Variants in VPS8 observed in about 807,000 individuals in gnomAD.
The protein encoded by VPS8 is VPS8 subunit of CORVET complex.
A neutral mutation model predicts 216.4 loss-of-function variants in VPS8; 129 were observed. The observed-to-expected ratio is 0.60, with a 90% CI of 0.52 to 0.69. The LOEUF is 0.69. Ranked by LOEUF, VPS8 falls within the 30% of genes least tolerant of loss-of-function variation. VPS8 has a pLI of 0.00. For missense variants in VPS8, 1,531 were observed against 1,683.5 expected, an observed-to-expected ratio of 0.91 and a Z score of 1.59; for synonymous variants, 571 against 565.4, an observed-to-expected ratio of 1.01 and a Z score of -0.14.
intron 25 of VPS8, among the ~76,000 whole-genome samples, chr3:184,913,112 C>T (rs1736857833): frequency 6.6e-6 from 1 of 152,182 alleles, no homozygotes; most frequent in Admixed American, 6.5e-5. Flanking sequence ...ATGGCCTTTT[C>T]AGCCCTAGAG....
Position 184,894,508 on chromosome 3 carries a change from GTATATA to G in VPS8, c.1782-176_1782-171del, listed in dbSNP as rs756172890. On this transcript the variant is annotated intron_variant, in intron 22 of 47. Transcript: ENST00000625842. ...TTTATATATATGTATATATACACAC[GTATATA>G]TATATATATATATATATACACACAC... Among the ~76,000 whole-genome samples the G allele has an allele frequency of 9.6e-4, 128 of 133,130 alleles. 2 individuals carry two copies. In the East Asian group the frequency reaches 0.021, roughly 22 times the overall value. The allele number at this position is 133,130 out of a possible 152,430, so 87.3% of individuals were successfully genotyped here. A position where few individuals can be genotyped will look rare whatever the true frequency, so the allele number is the denominator to read the frequency against.
At position 185,047,546 on chromosome 3, in the gene VPS8, G is replaced by A. The variant is rs974214500; in HGVS notation, c.4057-933G>A. ...TTCATGATATAGGGCAAAGAAAAAC[G>A]TCCTTTTACCAATCTTATACATAAA... On this transcript the variant is annotated intron_variant, in intron 46 of 47. Coordinates refer to ENST00000625842, the MANE Select transcript of VPS8 (RefSeq NM_001009921.3). Among the ~76,000 whole-genome samples, 44 of 152,238 alleles carry A rather than the reference G, an allele frequency of 2.9e-4. 1 individual carries two copies. The highest frequency in any genetic ancestry group is 3.4e-3 in the Middle Eastern group (1 of 294).
rs1475884587 is a variant in VPS8, at chr3:184,957,600, GA to G, written c.3183+85del. ...TTTGACAGATGATCAAAGACAAGGG[GA>G]AAAAATATATAATTTCTTTTTTAAA... On this transcript the variant is annotated intron_variant, in intron 37 of 47. Coordinates refer to ENST00000625842, the MANE Select transcript of VPS8 (RefSeq NM_001009921.3). The G allele has an allele frequency of 2.1e-5, 30 of 1,417,710 alleles. No individual in the cohort carries two copies. The South Asian group carries it at 3.4e-4, about 16-fold the overall frequency. The allele number at this position is 1,417,710 out of a possible 1,614,324, so 87.8% of individuals were successfully genotyped here. A position where few individuals can be genotyped will look rare whatever the true frequency, so the allele number is the denominator to read the frequency against.
At chr3:184,853,828 G>C (rs1433160268) in intron 11 of VPS8, 29 bp from the exon 12 acceptor site, 1 of 1,552,272 alleles carries the variant, frequency 6.4e-7, no homozygotes, top group South Asian at 1.2e-5. Context: ...TTGCTAAATT[G>C]ATTCTGAATT....
At chr3:184,960,380 C>A (rs1746319738) in intron 37 of VPS8, among the ~76,000 whole-genome samples, 1 of 152,024 alleles carries the variant, frequency 6.6e-6, no homozygotes, top group South Asian at 2.1e-4. Context: ...TAACTGTGGA[C>A]AAAATGACTT....
chr3:184,918,877 G>A (rs946277138), intron 28 of VPS8, among the ~76,000 whole-genome samples: 3 of 152,220 alleles, frequency 2.0e-5, no homozygotes, highest in Admixed American at 2.0e-4. Context: ...TTTGTAGTCC[G>A]TCTTCCTATC....
chr3:184,817,252 C>T (rs79537605), intron 1 of VPS8: 1,511 of 148,484 alleles, frequency 0.01, 21 homozygotes, highest in African/African-American at 0.03. Flanking sequence ...TGGGTATTTA[C>T]CTAGGGAGGG....
intron 8 of VPS8, among the ~76,000 whole-genome samples, chr3:184,845,078 A>G (rs1722877460): frequency 6.6e-6 from 1 of 152,238 alleles, no homozygotes; most frequent in African/African-American, 2.4e-5. Flanking sequence ...TAAAGAAATT[A>G]GATATGCTGT....
At chr3:184,825,764 TGTG>T (rs1380145785) in intron 2 of VPS8, among the ~76,000 whole-genome samples, 1 of 151,966 alleles carries the variant, frequency 6.6e-6, no homozygotes, top group Admixed American at 6.6e-5. Context: ...ATTAGCTGCT[TGTG>T]GTGGCACGTG....
intron 18 of VPS8, 26 bp from the exon 19 acceptor site, chr3:184,868,920 T>C: frequency 1.3e-6 from 2 of 1,583,028 alleles, no homozygotes; most frequent in East Asian, 2.3e-5. Context: ...CAAAGGGGCC[T>C]GGTTTCTCTC....
intron 20 of VPS8, 90 bp downstream of exon 20, chr3:184,869,618 C>A: frequency 2.3e-6 from 3 of 1,298,356 alleles, no homozygotes; most frequent in Non-Finnish European, 3.3e-6. Flanking sequence ...AGATAAATGG[C>A]TACAATCTAG....
At chr3:184,840,040 ATC>A in intron 7 of VPS8, 1 of 530,492 alleles carries the variant, frequency 1.9e-6, no homozygotes, top group Non-Finnish European at 2.5e-6. Context: ...ACCTTGGGTT[ATC>A]ATCTTGTCTG....
At chr3:184,896,345 A>G (rs1055022866) in intron 23 of VPS8, among the ~76,000 whole-genome samples, 4 of 152,142 alleles carry the variant, frequency 2.6e-5, no homozygotes, top group Non-Finnish European at 5.9e-5. Context: ...CCCCACTACC[A>G]TGTAAATATA....
At chr3:184,957,931 C>T (rs543695011) in intron 37 of VPS8, among the ~76,000 whole-genome samples, 2 of 152,266 alleles carry the variant, frequency 1.3e-5, no homozygotes, top group African/African-American at 4.8e-5. Context: ...CTTCTCCGGG[C>T]CAATAAGCAA....
intron 13 of VPS8, among the ~76,000 whole-genome samples, chr3:184,854,752 A>G (rs1339802178): frequency 6.6e-6 from 1 of 152,192 alleles, no homozygotes; most frequent in Non-Finnish European, 1.5e-5. Context: ...ATAGATTGCT[A>G]TTACATGTGC....
At chr3:185,025,804 C>CA (rs1355171802) in intron 46 of VPS8, among the ~76,000 whole-genome samples, 1 of 152,198 alleles carries the variant, frequency 6.6e-6, no homozygotes, top group African/African-American at 2.4e-5. Flanking sequence ...ATAGTGATGT[C>CA]AAGCGTGTGC....
chr3:184,936,309 A>T lies in VPS8; in HGVS notation c.2962A>T (p.Ile988Phe). 6 of 1,611,714 alleles carry T rather than the reference A, an allele frequency of 3.7e-6. No homozygotes were observed. The highest frequency in any genetic ancestry group is 5.1e-6 in the Non-Finnish European group (6 of 1,178,924). ...ELVATHFSGH[I>F]ETVIKKLQNQ... is the part of the protein sequence containing the mutation. ...GGTTGCCACCCACTTTTCTGGACAT[A>T]TTGAAACGGTCATTAAAAAACTTCA... The change falls in exon 35 of 48, where the codon ATT (isoleucine) becomes TTT (phenylalanine). Residue 988 changes from isoleucine (I) to phenylalanine (F), a missense_variant. Around this residue, in one of 3 missense-constraint regions of VPS8, gnomAD observed 1,318 missense variants for 1,468.4 expected, o/e 0.90. Coordinates refer to ENST00000625842, the MANE Select transcript of VPS8 (RefSeq NM_001009921.3).
At chr3:184,996,768 A>G (rs1475352857) in intron 44 of VPS8, among the ~76,000 whole-genome samples, 1 of 152,220 alleles carries the variant, frequency 6.6e-6, no homozygotes, top group African/African-American at 2.4e-5. Flanking sequence ...GTGCTGTTGA[A>G]TGAGGGAAAG....
intron 45 of VPS8, among the ~76,000 whole-genome samples, chr3:185,008,316 AT>A (rs1479686298): frequency 6.6e-6 from 1 of 152,154 alleles, no homozygotes; most frequent in East Asian, 1.9e-4. Flanking sequence ...TAAGGGATTC[AT>A]TACTTCAGCC....
Sources: allele counts gnomAD v4.1 joint callset (sites outside exome capture counted in the v4.1 genomes callset), GRCh38; gene constraint gnomAD v4.1.1; regional missense constraint gnomAD v4.1.1; transcripts MANE v1.5; gene names NCBI Gene and HGNC (gene_info 2026-07-23, HGNC 2026-07-21).